Variants in PARVB observed in about 807,000 individuals in gnomAD.
PARVB encodes parvin beta.
PARVB carries 46 observed loss-of-function variants against 47.0 expected under a neutral mutation model. The observed-to-expected ratio is 0.98, with a 90% CI of 0.77 to 1.25. The LOEUF (loss-of-function observed/expected upper bound fraction) is 1.25, where lower values mean the gene tolerates loss of function less well. PARVB is among the 50% of genes most tolerant of loss of function. The probability of loss-of-function intolerance (pLI) is 0.00; values close to 1 mark genes in which losing one functional copy is unlikely to be tolerated. For missense variants in PARVB, 473 were observed against 471.6 expected, an observed-to-expected ratio of 1.00 and a Z score of -0.03; for synonymous variants, 196 against 196.3, an observed-to-expected ratio of 1.00 and a Z score of 0.01.
intron 10 of PARVB, among the ~76,000 whole-genome samples, 189 bp from the exon 11 acceptor site, chr22:44,157,793 C>A (rs1256344594): frequency 6.6e-6 from 1 of 152,020 alleles, no homozygotes; most frequent in South Asian, 2.1e-4. Flanking sequence ...GTGGGAGAAT[C>A]GCCTCAGGGA....
rs571538107 is a variant in PARVB, at chr22:44,079,802, C to T, written c.113-14126C>T. ...AATTAGCCGGGCATGGTGGTGGGCG[C>T]CTGTAATCCCAGCTACTTGGGAGGC... On this transcript the variant is annotated intron_variant, in intron 1 of 12. Transcript: ENST00000338758. Among the ~76,000 whole-genome samples, 5 of 152,290 alleles carry T rather than the reference C, an allele frequency of 3.3e-5. No individual in the cohort carries two copies. In the South Asian group the frequency reaches 1.0e-3, roughly 32 times the overall value.
chr22:44,083,096 G>A (rs1030608608), intron 1 of PARVB, among the ~76,000 whole-genome samples: 5 of 152,126 alleles, frequency 3.3e-5, no homozygotes, highest in Non-Finnish European at 4.4e-5. Context: ...CAGCCTCTAC[G>A]TGGCCACATC....
chr22:44,163,797 TG>T, intron 11 of PARVB, 60 bp from the exon 12 acceptor site: 1 of 1,375,094 alleles, frequency 7.3e-7, no homozygotes. Flanking sequence ...CCTCCAGCAG[TG>T]GGCCGTGTGT....
At chr22:44,145,624 T>C (rs2053647184) in intron 8 of PARVB, 1 of 152,330 alleles carries the variant, frequency 6.6e-6, no homozygotes, top group African/African-American at 2.4e-5. Context: ...TGCCCTTGGG[T>C]CCTGTGCCTG....
intron 3 of PARVB, among the ~76,000 whole-genome samples, chr22:44,102,593 C>G (rs1373953510): frequency 1.3e-5 from 2 of 152,016 alleles, no homozygotes; most frequent in African/African-American, 4.8e-5. Context: ...ATCCCAGCGC[C>G]CTGGGAGGCC....
Position 44,125,052 on chromosome 22 carries a change from A to C in PARVB, c.376+5912A>C, listed in dbSNP as rs575017015. ...GAGGGAAACCTCCTAGGCTTGTGAC[A>C]GGTGGTGGTGAGGGTGGGGGGATGA... On this transcript the variant is annotated intron_variant, in intron 4 of 12. Transcript: ENST00000338758. The surrounding 1 kb of genome is among the most constrained non-coding windows in gnomAD (Gnocchi z 4.1). Among the ~76,000 whole-genome samples, 68 of 145,770 alleles carry C rather than the reference A, an allele frequency of 4.7e-4. No individual in the cohort carries two copies. The highest frequency in any genetic ancestry group is 8.6e-4 in the Non-Finnish European group (57 of 66,572).
intron 1 of PARVB, among the ~76,000 whole-genome samples, chr22:44,055,678 C>CTCTCTCTATATATATATA (rs1438284048): frequency 1.4e-5 from 2 of 142,680 alleles, no homozygotes; most frequent in African/African-American, 5.3e-5. Context: ...CTCTCTCTCT[C>CTCTCTCTATATATATATA]TATATATATA....
Position 44,172,819 on chromosome 22 carries a change from C to T in PARVB, c.*4141C>T, listed in dbSNP as rs1033167230. 11 of 466,882 alleles carry T rather than the reference C, an allele frequency of 2.4e-5. No individual in the cohort carries two copies. Among genetic ancestry groups the T allele is most frequent in the African/African-American group, 8.4e-5 (4 of 47,646 alleles). The allele number at this position is 466,882 out of a possible 1,614,324, so 28.9% of individuals were successfully genotyped here. ...CACCTGGCTGAGTGCAGGAAGCAAG[C>T]GCTTTTCAGGAGCTCACTGCAACAC... On this transcript the variant is annotated 3_prime_UTR_variant, in exon 13 of 13. Transcript: ENST00000338758.
intron 1 of PARVB, among the ~76,000 whole-genome samples, chr22:44,091,195 C>T (rs1044604065): frequency 5.4e-5 from 8 of 149,522 alleles, no homozygotes; most frequent in Non-Finnish European, 1.0e-4. Flanking sequence ...CCTTAGGATG[C>T]TGGCTGTGGG....
chr22:44,137,484 A>C (rs1299387143), intron 7 of PARVB, among the ~76,000 whole-genome samples: 1 of 152,196 alleles, frequency 6.6e-6, no homozygotes, highest in East Asian at 1.9e-4. Context: ...CTGGTGTCTT[A>C]GTTGTTTATT....
chr22:44,136,596 G>A lies in PARVB; in HGVS notation c.692+78G>A, dbSNP rs547083228. 172 of 1,202,968 alleles carry A rather than the reference G, an allele frequency of 1.4e-4. 1 individual carries two copies. The South Asian group carries it at 2.0e-3, about 14-fold the overall frequency. 74.5% of individuals were successfully genotyped at this position (1,202,968 alleles called of 1,614,324 possible). A position where few individuals can be genotyped will look rare whatever the true frequency, so the allele number is the denominator to read the frequency against. ...GACCCCAGGCTGCCACTTCAGCCAGGGACACCAGCGCCCATGGGGCTGCTC... is the reference window on the plus strand; with the variant it reads ...GACCCCAGGCTGCCACTTCAGCCAGAGACACCAGCGCCCATGGGGCTGCTC... On this transcript the variant is annotated intron_variant, in intron 7 of 12. Coordinates refer to ENST00000338758, the MANE Select transcript of PARVB (RefSeq NM_013327.5).
intron 8 of PARVB, chr22:44,147,513 A>C: frequency 5.2e-6 from 2 of 386,538 alleles, no homozygotes; most frequent in Non-Finnish European, 1.0e-5. Flanking sequence ...GAGTGTGGGA[A>C]CAGGGAGAAT....
rs2053972517 is a variant in PARVB at position 44,157,985 on chromosome 22, G to A, written c.847G>A (p.Ala283Thr). The A allele has an allele frequency of 6.2e-7, 1 of 1,611,646 alleles. No homozygotes were observed. The highest frequency in any genetic ancestry group is 1.3e-5 in the African/African-American group (1 of 74,876). The change falls in exon 11 of 13, where the codon GCA becomes ACA. Residue 283 changes from alanine to threonine, a missense_variant. Ala to Thr is a moderately conservative substitution (Grantham distance 58, BLOSUM62 0). Coordinates refer to ENST00000338758, the MANE Select transcript of PARVB (RefSeq NM_013327.5). ...LEVTELETQF[A>T]DGVYLVLLMG... is the part of the protein sequence containing the mutation. ...CATCACAAGTCTTTCTCTGCAGTTT[G>A]CAGATGGCGTGTACCTGGTTCTGCT...
In PARVB at chr22:44,126,252, G is replaced by A. The variant is rs573810922; in HGVS notation, c.377-5235G>A. On this transcript the variant is annotated intron_variant, in intron 4 of 12. Coordinates refer to ENST00000338758, the MANE Select transcript of PARVB (RefSeq NM_013327.5). ...GCCCAAGAATTAACATCTATATTTG[G>A]CTAAGGTGAGAATCCCCATCTTAGA... Among the ~76,000 whole-genome samples, 5 of 152,266 alleles carry A rather than the reference G, an allele frequency of 3.3e-5. No individual in the cohort carries two copies. The East Asian group carries it at 9.6e-4, about 29-fold the overall frequency.
At chr22:44,091,320 A>G (rs1300966605) in intron 1 of PARVB, among the ~76,000 whole-genome samples, 1 of 148,188 alleles carries the variant, frequency 6.7e-6, no homozygotes. Context: ...TTGTTGTAAA[A>G]TAGGCATAAC....
chr22:44,070,995 TGCCCGCCC>T, intron 1 of PARVB, among the ~76,000 whole-genome samples: 1 of 146,744 alleles, frequency 6.8e-6, no homozygotes, highest in South Asian at 2.1e-4. Flanking sequence ...CCCCGGCCCC[TGCCCGCCC>T]GCCTTGGCCT....
rs375333641 is a variant in PARVB at position 44,157,166 on chromosome 22, T to C, written c.844-816T>C. ...GGCCCCCTGGAGAATGGGGCCACAG[T>C]CACTGTGGTCTCTGCTGCAAGACAG... On this transcript the variant is annotated intron_variant, in intron 10 of 12. Transcript: ENST00000338758. Among the ~76,000 whole-genome samples, 9 of 152,342 alleles carry C rather than the reference T, an allele frequency of 5.9e-5. No homozygotes were observed. In the East Asian group the frequency reaches 1.7e-3, roughly 29 times the overall value.
intron 1 of PARVB, chr22:44,081,707 G>C (rs1048442835): frequency 2.7e-6 from 2 of 750,158 alleles, no homozygotes; most frequent in African/African-American, 3.8e-5. Context: ...CCCCCGCCTC[G>C]GTGGGGCTCA....
rs201256567 is a variant in PARVB at position 44,161,927 on chromosome 22, GT to G, written c.946-1930del. Among the ~76,000 whole-genome samples, 1,177 of 152,344 alleles carry G rather than the reference GT, an allele frequency of 7.7e-3. 15 individuals carry two copies. Among genetic ancestry groups the G allele is most frequent in the African/African-American group, 0.027 (1,122 of 41,570 alleles). Reference sequence around the variant, plus strand: ...GCAGGCTGTCCTGCAGGGTTGGGGTGTCTGCCATGTGGCCCAGTGTTCCCAT... The same window carrying G: ...GCAGGCTGTCCTGCAGGGTTGGGGTGCTGCCATGTGGCCCAGTGTTCCCAT... On this transcript the variant is annotated intron_variant, in intron 11 of 12. Transcript: ENST00000338758.
Sources: allele counts gnomAD v4.1 joint callset (sites outside exome capture counted in the v4.1 genomes callset), GRCh38; gene constraint gnomAD v4.1.1; non-coding constraint Gnocchi (gnomAD v3.1); transcripts MANE v1.5; gene names NCBI Gene and HGNC (gene_info 2026-07-23, HGNC 2026-07-21).